Variants in CMPK1 observed in about 807,000 individuals in gnomAD.
CMPK1 encodes the protein UMP-CMP kinase.
Under a neutral mutation model 25.7 loss-of-function variants are expected in CMPK1, and 10 were observed. The observed-to-expected ratio is 0.39, with a 90% CI of 0.24 to 0.66. The LOEUF is 0.66. Ranked by LOEUF, CMPK1 falls within the 30% of genes least tolerant of loss-of-function variation. The pLI is 0.48. For synonymous variants in CMPK1, 106 were observed against 101.5 expected (o/e 1.04, Z -0.27); for missense variants, 199 against 280.5 (o/e 0.71, Z 2.08).
chr1:47,377,366 TG>T lies in CMPK1; in HGVS notation c.*626del, dbSNP rs1646714531. The T allele has an allele frequency of 6.6e-6, 1 of 152,218 alleles. No homozygotes were observed. The highest frequency in any genetic ancestry group is 6.5e-5 in the Admixed American group (1 of 15,282). 9.4% of individuals were successfully genotyped at this position (152,218 alleles called of 1,614,324 possible). A position where few individuals can be genotyped will look rare whatever the true frequency, so the allele number is the denominator to read the frequency against. ...TATTCTTTGCTTCCAAGATTTGGGT[TG>T]GGGGCACTAGGGGTTCAGAGCCTGG... On this transcript the variant is annotated 3_prime_UTR_variant, in exon 6 of 6. Transcript: ENST00000371873.
chr1:47,367,249 C>T (rs1365060105), intron 1 of CMPK1, among the ~76,000 whole-genome samples: 1 of 152,170 alleles, frequency 6.6e-6, no homozygotes, highest in African/African-American at 2.4e-5. Context: ...TCTCATCAAA[C>T]TTTATACTCA....
chr1:47,358,647 A>G, intron 1 of CMPK1: 1 of 989,798 alleles, frequency 1.0e-6, no homozygotes, highest in Non-Finnish European at 1.2e-6. Context: ...AACCTTAAGC[A>G]CTCTAGTTCA....
At position 47,333,829 on chromosome 1, in the gene CMPK1, G is replaced by A. The variant is rs913538054; in HGVS notation, c.-117G>A. 24 of 593,052 alleles carry A rather than the reference G, an allele frequency of 4.0e-5. No homozygotes were observed. Among genetic ancestry groups the A allele is most frequent in the South Asian group, 7.2e-5 (1 of 13,908 alleles). 36.7% of individuals were successfully genotyped at this position (593,052 alleles called of 1,614,324 possible). On this transcript the variant is annotated 5_prime_UTR_variant, in exon 1 of 6. Transcript: ENST00000371873. ...CCGCGGACGCCCGGGCAGCCACGGC[G>A]GCGGGGCCGCGGCGGGCGCCGGCTC... is the stretch of plus-strand genomic sequence containing the variant.
chr1:47,370,064 G>A (rs1646667764), intron 2 of CMPK1, among the ~76,000 whole-genome samples: 1 of 151,748 alleles, frequency 6.6e-6, no homozygotes, highest in South Asian at 2.1e-4. Context: ...ACAGGCGCCC[G>A]CCATCAAGCC....
chr1:47,348,930 T>C (rs893406084), intron 1 of CMPK1, among the ~76,000 whole-genome samples: 1 of 152,230 alleles, frequency 6.6e-6, no homozygotes, highest in African/African-American at 2.4e-5. Context: ...GGGTGTTGAC[T>C]TAATGGTTAA....
At chr1:47,352,359 A>G (rs866474892) in intron 1 of CMPK1, among the ~76,000 whole-genome samples, 16 of 152,258 alleles carry the variant, frequency 1.1e-4, no homozygotes, top group Middle Eastern at 3.4e-3. Context: ...ATCTTGTACA[A>G]TAGAACATCC....
chr1:47,348,434 A>G (rs112688944), intron 1 of CMPK1, among the ~76,000 whole-genome samples: 198 of 152,324 alleles, frequency 1.3e-3, no homozygotes, highest in African/African-American at 4.5e-3. Context: ...TAGAACTTTA[A>G]TAGGGAACAG....
intron 1 of CMPK1, among the ~76,000 whole-genome samples, chr1:47,343,899 A>G (rs1646463514): frequency 6.6e-6 from 1 of 151,996 alleles, no homozygotes; most frequent in South Asian, 2.1e-4. Flanking sequence ...AAAAAAAAAA[A>G]AGCCCATCTC....
rs146486839 is a variant in CMPK1, at chr1:47,355,729, C to T, written c.172-12740C>T. On this transcript the variant is annotated intron_variant, in intron 1 of 5. Transcript: ENST00000371873. ...TCAAATGATTCTCATGCCTCAGCCC[C>T]GCAAGTAGCTGGGACTACAGGCATG... is the stretch of plus-strand genomic sequence containing the variant. Among the ~76,000 whole-genome samples the T allele has an allele frequency of 6.6e-5, 10 of 152,090 alleles. No individual in the cohort carries two copies. The East Asian group carries it at 9.7e-4, about 15-fold the overall frequency.
intron 1 of CMPK1, among the ~76,000 whole-genome samples, chr1:47,348,239 G>T (rs929884918): frequency 1.3e-5 from 2 of 152,116 alleles, no homozygotes; most frequent in Non-Finnish European, 2.9e-5. Context: ...TATAGAGACA[G>T]CACATATATT....
intron 1 of CMPK1, among the ~76,000 whole-genome samples, chr1:47,350,829 C>T (rs2149328231): frequency 6.6e-6 from 1 of 151,850 alleles, no homozygotes; most frequent in African/African-American, 2.4e-5. Context: ...ATTGCCTGAA[C>T]CCGGGAGGGC....
At position 47,334,202 on chromosome 1, in the gene CMPK1, G is replaced by A. The variant is rs972245711; in HGVS notation, c.171+86G>A. On this transcript the variant is annotated intron_variant, in intron 1 of 5. Coordinates refer to ENST00000371873, the MANE Select transcript of CMPK1 (RefSeq NM_016308.3). ...CGCCGCCCCTAGTCCGCGCCCCGCG[G>A]AGTCGCCGAGCCGCAGACTACGAGT... 6 of 1,183,040 alleles carry A rather than the reference G, an allele frequency of 5.1e-6. No homozygotes were observed. In the African/African-American group the frequency reaches 9.6e-5, roughly 19 times the overall value. The allele number at this position is 1,183,040 out of a possible 1,614,324, so 73.3% of individuals were successfully genotyped here.
chr1:47,355,548 C>T (rs12083822), intron 1 of CMPK1, among the ~76,000 whole-genome samples: 12,132 of 151,556 alleles, frequency 0.08, 1,598 homozygotes, highest in African/African-American at 0.28. Flanking sequence ...CTCCTGACCT[C>T]GTAATCCACC....
Position 47,368,455 on chromosome 1 carries a change from T to C in CMPK1, c.172-14T>C. The C allele has an allele frequency of 6.3e-7, 1 of 1,586,722 alleles. No homozygotes were observed. The highest frequency in any genetic ancestry group is 1.8e-5 in the Admixed American group (1 of 56,294). ...AATGAATTCTGATATTTTTCCTATG[T>C]GTGCTTCTTTCAGAAATATGGCTAC... On this transcript the variant is annotated splice_polypyrimidine_tract_variant and intron_variant, in intron 1 of 5. Transcript: ENST00000371873.
intron 1 of CMPK1, among the ~76,000 whole-genome samples, chr1:47,365,768 T>A (rs1646635813): frequency 1.3e-5 from 2 of 152,174 alleles, no homozygotes; most frequent in Non-Finnish European, 2.9e-5. Flanking sequence ...TGCTTTTTTC[T>A]CCCTCCAAAT....
At chr1:47,359,259 G>A (rs569433181) in intron 1 of CMPK1, among the ~76,000 whole-genome samples, 22 of 151,842 alleles carry the variant, frequency 1.4e-4, no homozygotes, top group East Asian at 5.8e-4. Flanking sequence ...AGAGCTTGCA[G>A]TGAGCCAAGA....
At chr1:47,373,952 T>C (rs1646692232) in intron 3 of CMPK1, among the ~76,000 whole-genome samples, 1 of 152,246 alleles carries the variant, frequency 6.6e-6, no homozygotes, top group African/African-American at 2.4e-5. Flanking sequence ...CTCAGAATCA[T>C]TTAATTAAAA....
At chr1:47,361,642 G>A (rs904275069) in intron 1 of CMPK1, among the ~76,000 whole-genome samples, 5 of 148,564 alleles carry the variant, frequency 3.4e-5, no homozygotes, top group Non-Finnish European at 7.5e-5. Context: ...TCTTGTAGCC[G>A]TAGGAATTTA....
At chr1:47,375,494 T>G (rs926616694) in intron 5 of CMPK1, among the ~76,000 whole-genome samples, 2 of 118,536 alleles carry the variant, frequency 1.7e-5, no homozygotes, top group African/African-American at 5.0e-5. Context: ...GGACTCTGTC[T>G]CTTAAAAAAA....
Sources: gnomAD v4.1 joint callset for allele counts (sites outside exome capture counted in the v4.1 genomes callset) on GRCh38, gnomAD v4.1.1 for gene constraint, MANE v1.5 for transcripts, NCBI Gene and HGNC (gene_info 2026-07-23, HGNC 2026-07-21) for gene names.